Variants in RPH3A observed in about 807,000 individuals in gnomAD.
The protein encoded by RPH3A is rabphilin 3A.
RPH3A carries 48 observed loss-of-function variants against 102.2 expected under a neutral mutation model. The ratio of observed to expected loss-of-function variants is 0.47; its 90% CI spans 0.37 to 0.60. The LOEUF (loss-of-function observed/expected upper bound fraction) is 0.60, where lower values mean the gene tolerates loss of function less well. Ranked by LOEUF, RPH3A falls within the 20% of genes least tolerant of loss-of-function variation. RPH3A has a pLI of 0.00. For synonymous variants in RPH3A, 310 were observed against 324.3 expected (o/e 0.96, Z 0.47); for missense variants, 781 against 910.1 (o/e 0.86, Z 1.83).
At chr12:112,883,986 T>G (rs535266917) in intron 16 of RPH3A, among the ~76,000 whole-genome samples, 6 of 152,252 alleles carry the variant, frequency 3.9e-5, no homozygotes, top group Non-Finnish European at 7.3e-5. Context: ...TGTTTCTAGG[T>G]GCACAGGTGC....
chr12:112,768,801 A>G (rs2136071207), intron 1 of RPH3A, among the ~76,000 whole-genome samples: 1 of 152,140 alleles, frequency 6.6e-6, no homozygotes, highest in East Asian at 1.9e-4. Context: ...AATTCTAGCT[A>G]CTCAAGAGGC....
chr12:112,837,244 G>C (rs1565910333), intron 4 of RPH3A, among the ~76,000 whole-genome samples: 1 of 152,148 alleles, frequency 6.6e-6, no homozygotes, highest in Admixed American at 6.6e-5. Context: ...TGGTTATCTT[G>C]TTTGTAAAAT....
At chr12:112,735,854 C>A (rs2040665856) in intron 1 of RPH3A, among the ~76,000 whole-genome samples, 1 of 152,204 alleles carries the variant, frequency 6.6e-6, no homozygotes, top group Non-Finnish European at 1.5e-5. Flanking sequence ...TAGGCTGCTC[C>A]ATGGACCCAC....
chr12:112,753,261 T>C (rs2040797995), intron 1 of RPH3A, among the ~76,000 whole-genome samples: 1 of 152,178 alleles, frequency 6.6e-6, no homozygotes, highest in African/African-American at 2.4e-5. Context: ...GCCCACTTCA[T>C]TAATCCCCAA....
At chr12:112,808,470 G>C (rs2041510532) in intron 2 of RPH3A, among the ~76,000 whole-genome samples, 1 of 152,158 alleles carries the variant, frequency 6.6e-6, no homozygotes. Flanking sequence ...TCTCTTAAGT[G>C]GTGGATTATT....
intron 1 of RPH3A, among the ~76,000 whole-genome samples, chr12:112,603,538 C>CA (rs2039572844): frequency 1.3e-5 from 2 of 151,946 alleles, no homozygotes; most frequent in Admixed American, 6.6e-5. Context: ...ACAACAAAAA[C>CA]AAAAAAATCA....
At chr12:112,585,780 G>C (rs141341740) in intron 1 of RPH3A, among the ~76,000 whole-genome samples, 1 of 152,298 alleles carries the variant, frequency 6.6e-6, no homozygotes, top group African/African-American at 2.4e-5. Flanking sequence ...CAGTGCACTT[G>C]TGTGCCAAAA....
intron 1 of RPH3A, among the ~76,000 whole-genome samples, chr12:112,605,236 A>G (rs532658809): frequency 1.3e-5 from 2 of 152,110 alleles, no homozygotes; most frequent in South Asian, 2.1e-4. Flanking sequence ...TTAGCCAGGC[A>G]TGGTGGCACA....
intron 1 of RPH3A, among the ~76,000 whole-genome samples, chr12:112,584,335 C>T (rs2039422687): frequency 6.6e-6 from 1 of 152,200 alleles, no homozygotes; most frequent in African/African-American, 2.4e-5. Flanking sequence ...TTCATATCTA[C>T]ACTCCTGGCA....
chr12:112,886,148 G>A (rs371752186), intron 16 of RPH3A, among the ~76,000 whole-genome samples: 6 of 152,250 alleles, frequency 3.9e-5, no homozygotes, highest in African/African-American at 1.4e-4. Flanking sequence ...TGGCCAAGGA[G>A]TGCGGTACTT....
chr12:112,776,873 C>CAAAAAAAAAAAAAAAA (rs548377186), intron 1 of RPH3A, among the ~76,000 whole-genome samples: 1 of 73,920 alleles, frequency 1.4e-5, no homozygotes, highest in Non-Finnish European at 2.5e-5. Flanking sequence ...GACTCCATCT[C>CAAAAAAAAAAAAAAAA]AAAAAAAAAA....
chr12:112,850,619 G>T (rs758008092), intron 5 of RPH3A, among the ~76,000 whole-genome samples: 1 of 152,222 alleles, frequency 6.6e-6, no homozygotes, highest in Admixed American at 6.5e-5. Context: ...CTTGCTGGTA[G>T]CATCGCCAGA....
At chr12:112,753,647 C>T (rs2040801001) in intron 1 of RPH3A, among the ~76,000 whole-genome samples, 1 of 152,070 alleles carries the variant, frequency 6.6e-6, no homozygotes, top group Admixed American at 6.6e-5. Context: ...CCAGGAAGGC[C>T]CTAAGATTGA....
At chr12:112,796,636 C>T (rs939646164) in intron 2 of RPH3A, among the ~76,000 whole-genome samples, 1 of 152,246 alleles carries the variant, frequency 6.6e-6, no homozygotes, top group Non-Finnish European at 1.5e-5. Context: ...AGATTTGCTA[C>T]AGGCAAAGGA....
At chr12:112,743,882 G>T (rs924142189) in intron 1 of RPH3A, among the ~76,000 whole-genome samples, 17 of 152,128 alleles carry the variant, frequency 1.1e-4, no homozygotes, top group African/African-American at 4.1e-4. Flanking sequence ...ATTTTCTTCT[G>T]ATTTGCCTCC....
At chr12:112,874,900 C>T in intron 10 of RPH3A, 184 bp from the exon 11 acceptor site, 1 of 567,396 alleles carries the variant, frequency 1.8e-6, no homozygotes, top group East Asian at 3.0e-5. Context: ...TCACCAGAGT[C>T]TGAGTATTGA....
At chr12:112,628,893 A>G (rs1194301898) in intron 1 of RPH3A, among the ~76,000 whole-genome samples, 1 of 152,082 alleles carries the variant, frequency 6.6e-6, no homozygotes, top group African/African-American at 2.4e-5. Context: ...GAGACCAGGG[A>G]AGAGGCTCCC....
At chr12:112,772,474 G>A (rs967245688) in intron 1 of RPH3A, among the ~76,000 whole-genome samples, 1 of 152,162 alleles carries the variant, frequency 6.6e-6, no homozygotes, top group Non-Finnish European at 1.5e-5. Flanking sequence ...CCCCCAAGGG[G>A]GCTGTATCAT....
At chr12:112,868,077 T>C (rs2042641843) in intron 7 of RPH3A, 1 of 204,526 alleles carries the variant, frequency 4.9e-6, no homozygotes, top group African/African-American at 2.3e-5. Flanking sequence ...CAACAACCAG[T>C]GTAGTGGAGA....
Sources: allele counts gnomAD v4.1 joint callset (sites outside exome capture counted in the v4.1 genomes callset), GRCh38; gene constraint gnomAD v4.1.1; transcripts MANE v1.5; gene names NCBI Gene and HGNC (gene_info 2026-07-23, HGNC 2026-07-21).